The following INPP4B variants were observed in gnomAD, a reference collection of about 807,000 sequenced individuals.
INPP4B encodes inositol polyphosphate-4-phosphatase type II B.
A neutral mutation model predicts 122.5 loss-of-function variants in INPP4B; 55 were observed. That is an observed-to-expected ratio of 0.45 (90% confidence interval 0.36 to 0.56). The LOEUF is 0.56. Ranked by LOEUF, INPP4B falls within the 20% of genes least tolerant of loss-of-function variation. INPP4B has a pLI of 0.00. For synonymous variants in INPP4B, 403 were observed against 388.7 expected (o/e 1.04, Z -0.43); for missense variants, 1,000 against 1,097.7 (o/e 0.91, Z 1.26).
intron 2 of INPP4B, among the ~76,000 whole-genome samples, chr4:142,552,855 C>T (rs929693813): frequency 6.6e-6 from 1 of 152,152 alleles, no homozygotes; most frequent in Non-Finnish European, 1.5e-5. Flanking sequence ...TTTGGACAGA[C>T]ATTTGAACAC....
At position 142,659,520 on chromosome 4, in the gene INPP4B, T is replaced by C. The variant is rs540596784; in HGVS notation, c.-191+66319A>G. ...TTAATTTTTTGCCTACATTTGAAAC[T>C]AACCCTGCTTGTTCCTATGAACCAA... On this transcript the variant is annotated intron_variant, in intron 2 of 25. Coordinates refer to ENST00000262992, the MANE Select transcript of INPP4B (RefSeq NM_001101669.3). Among the ~76,000 whole-genome samples, 42 of 152,296 alleles carry C rather than the reference T, an allele frequency of 2.8e-4. 1 individual carries two copies. In the South Asian group the frequency reaches 8.3e-3, roughly 30 times the overall value.
intron 5 of INPP4B, among the ~76,000 whole-genome samples, chr4:142,424,577 G>A (rs913858497): frequency 6.6e-6 from 1 of 151,970 alleles, no homozygotes; most frequent in African/African-American, 2.4e-5. Flanking sequence ...ATATTATCCT[G>A]CTTTTAAAAC....
intron 2 of INPP4B, among the ~76,000 whole-genome samples, chr4:142,530,442 T>C (rs1212808594): frequency 6.6e-6 from 1 of 151,784 alleles, no homozygotes; most frequent in Non-Finnish European, 1.5e-5. Flanking sequence ...AAAGTTGAAG[T>C]CCCAATTGTC....
At chr4:142,375,816 G>C (rs1353467281) in intron 7 of INPP4B, among the ~76,000 whole-genome samples, 1 of 151,850 alleles carries the variant, frequency 6.6e-6, no homozygotes, top group African/African-American at 2.4e-5. Flanking sequence ...GAAAAATCCT[G>C]GGCCTTTGAT....
intron 14 of INPP4B, among the ~76,000 whole-genome samples, chr4:142,206,546 A>G (rs554193574): frequency 6.6e-6 from 1 of 152,136 alleles, no homozygotes; most frequent in South Asian, 2.1e-4. Context: ...AAAACAATAA[A>G]GTTTAATTTT....
intron 2 of INPP4B, among the ~76,000 whole-genome samples, chr4:142,541,245 T>A (rs772977004): frequency 1.3e-5 from 2 of 152,228 alleles, no homozygotes; most frequent in Non-Finnish European, 2.9e-5. Flanking sequence ...CAATTATTAC[T>A]CTTTTATGAA....
At chr4:142,754,915 A>G (rs1286988848) in intron 1 of INPP4B, among the ~76,000 whole-genome samples, 1 of 152,056 alleles carries the variant, frequency 6.6e-6, no homozygotes, top group Non-Finnish European at 1.5e-5. Flanking sequence ...AAAAACATGG[A>G]CTAAAAATAT....
At chr4:142,198,555 A>G (rs1839366161) in intron 14 of INPP4B, among the ~76,000 whole-genome samples, 1 of 150,670 alleles carries the variant, frequency 6.6e-6, no homozygotes, top group African/African-American at 2.4e-5. Flanking sequence ...ATCCTTCCAC[A>G]GTCTTCTGTC....
intron 1 of INPP4B, among the ~76,000 whole-genome samples, chr4:142,806,089 C>A (rs1238565702): frequency 6.6e-6 from 1 of 151,796 alleles, no homozygotes; most frequent in Non-Finnish European, 1.5e-5. Context: ...ACCATCCTGT[C>A]TAACACGGTG....
intron 18 of INPP4B, among the ~76,000 whole-genome samples, chr4:142,145,160 T>G (rs761680894): frequency 3.9e-5 from 6 of 152,058 alleles, no homozygotes; most frequent in Non-Finnish European, 7.4e-5. Context: ...GTAGTTAAAA[T>G]TTTGTTTGTA....
At chr4:142,190,745 TGCGC>T (rs35444646) in intron 15 of INPP4B, among the ~76,000 whole-genome samples, 2 of 128,508 alleles carry the variant, frequency 1.6e-5, no homozygotes, top group African/African-American at 3.7e-5. Context: ...TGTGTGTGTG[TGCGC>T]GTGTGTGTTG....
chr4:142,404,944 G>GA (rs200953154), intron 6 of INPP4B, among the ~76,000 whole-genome samples: 116 of 148,814 alleles, frequency 7.8e-4, no homozygotes, highest in Non-Finnish European at 3.7e-4. Flanking sequence ...TGTATGAAAA[G>GA]AAAAAAAAAG....
chr4:142,114,374 C>T (rs1027432354), intron 21 of INPP4B, among the ~76,000 whole-genome samples: 22 of 152,012 alleles, frequency 1.4e-4, no homozygotes, highest in African/African-American at 4.3e-4. Context: ...GACTGCCAAA[C>T]TGTTTTCAAA....
chr4:142,577,299 C>A (rs1734064360), intron 2 of INPP4B, among the ~76,000 whole-genome samples: 2 of 152,070 alleles, frequency 1.3e-5, no homozygotes, highest in South Asian at 4.2e-4. Context: ...CTATCATGTC[C>A]AATTTCAAGC....
chr4:142,310,821 G>A (rs1298686248), intron 8 of INPP4B, among the ~76,000 whole-genome samples: 1 of 151,890 alleles, frequency 6.6e-6, no homozygotes, highest in Non-Finnish European at 1.5e-5. Context: ...ATTAAAAGTT[G>A]ATGAATAGCC....
chr4:142,836,038 C>T (rs549923734), intron 1 of INPP4B, among the ~76,000 whole-genome samples: 2 of 152,088 alleles, frequency 1.3e-5, no homozygotes, highest in African/African-American at 4.8e-5. Flanking sequence ...TCACTGATGT[C>T]TAGCATGAGT....
Position 142,837,105 on chromosome 4 carries a change from G to A in INPP4B, c.-254+9104C>T, listed in dbSNP as rs188886416. On this transcript the variant is annotated intron_variant, in intron 1 of 25. Transcript: ENST00000262992. ...CTGGAGGCGGAGGTTACAGTGAGCCGAGATTGCTCCACTGCACTCCAGCCT... is the reference window on the plus strand; with the variant it reads ...CTGGAGGCGGAGGTTACAGTGAGCCAAGATTGCTCCACTGCACTCCAGCCT... 7.7e-4 allele frequency among the ~76,000 whole-genome samples: 117 copies of A among 151,810 alleles called. 1 individual carries two copies. Among genetic ancestry groups the A allele is most frequent in the Admixed American group, 3.3e-3 (50 of 15,250 alleles).
intron 2 of INPP4B, among the ~76,000 whole-genome samples, chr4:142,721,496 G>C: frequency 6.6e-6 from 1 of 152,128 alleles, no homozygotes; most frequent in East Asian, 1.9e-4. Context: ...TTATAAATTA[G>C]TTGATTGGAA....
At chr4:142,394,371 T>A (rs1468228678) in intron 7 of INPP4B, among the ~76,000 whole-genome samples, 1 of 152,172 alleles carries the variant, frequency 6.6e-6, no homozygotes, top group Non-Finnish European at 1.5e-5. Context: ...GGTCTCGATC[T>A]CCTGACCTCG....
Sources: allele counts gnomAD v4.1 joint callset (sites outside exome capture counted in the v4.1 genomes callset), GRCh38; gene constraint gnomAD v4.1.1; transcripts MANE v1.5; gene names NCBI Gene and HGNC (gene_info 2026-07-23, HGNC 2026-07-21).